The following ARHGEF12 variants were observed in gnomAD, a reference collection of about 807,000 sequenced individuals.
ARHGEF12 encodes KMT2A/ARHGEF12 fusion protein.
A neutral mutation model predicts 211.2 loss-of-function variants in ARHGEF12; 66 were observed. The ratio of observed to expected loss-of-function variants is 0.31; its 90% CI spans 0.26 to 0.38. ARHGEF12 has a LOEUF of 0.38. Ranked by LOEUF, ARHGEF12 falls within the 10% of genes least tolerant of loss-of-function variation. ARHGEF12 has a pLI of 1.00. For missense variants in ARHGEF12, 1,429 were observed against 1,869.5 expected (o/e 0.76, Z 4.34); for synonymous variants, 592 against 638.4 (o/e 0.93, Z 1.09).
intron 7 of ARHGEF12, among the ~76,000 whole-genome samples, chr11:120,427,734 A>G (rs1023413836): frequency 3.9e-5 from 6 of 152,012 alleles, no homozygotes; most frequent in African/African-American, 1.4e-4. Context: ...AGCCACTAAT[A>G]GATGGTTGAT....
At position 120,476,698 on chromosome 11, in the gene ARHGEF12, T is replaced by C; in HGVS notation, c.3315T>C (p.Asn1105=). The C allele has an allele frequency of 6.2e-7, 1 of 1,613,336 alleles. No individual in the cohort carries two copies. Among genetic ancestry groups the C allele is most frequent in the Non-Finnish European group, 8.5e-7 (1 of 1,179,684 alleles). ...KALFVISMSD[N]GAQIYELVAQ... Reference sequence around the variant, plus strand: ...TATTCGTCATTTCCATGTCAGACAATGGCGCTCAGATTTATGAACTGGTGG... The same window carrying C: ...TATTCGTCATTTCCATGTCAGACAACGGCGCTCAGATTTATGAACTGGTGG... Residue 1105 remains asparagine (N), a synonymous_variant, in exon 34 of 41, where the codon AAT becomes AAC. Coordinates refer to ENST00000397843, the MANE Select transcript of ARHGEF12 (RefSeq NM_015313.3).
At chr11:120,434,674 T>C (rs1945642810) in intron 11 of ARHGEF12, among the ~76,000 whole-genome samples, 2 of 152,204 alleles carry the variant, frequency 1.3e-5, no homozygotes, top group South Asian at 4.1e-4. Context: ...CTGCTTTTGC[T>C]TACCTTGGAG....
intron 4 of ARHGEF12, among the ~76,000 whole-genome samples, chr11:120,419,476 T>C (rs757765035): frequency 4.5e-4 from 69 of 151,838 alleles, no homozygotes; most frequent in Non-Finnish European, 8.4e-4. Context: ...TGTTATCTTA[T>C]GAAAAATTTT....
chr11:120,342,201 T>C (rs1436280040), intron 1 of ARHGEF12, among the ~76,000 whole-genome samples: 1 of 152,204 alleles, frequency 6.6e-6, no homozygotes, highest in Non-Finnish European at 1.5e-5. Context: ...CTCTCCAGCT[T>C]GATGAAGTCA....
At chr11:120,397,576 C>G (rs1944428158) in intron 1 of ARHGEF12, among the ~76,000 whole-genome samples, 1 of 152,146 alleles carries the variant, frequency 6.6e-6, no homozygotes, top group African/African-American at 2.4e-5. Context: ...AGCCATATCA[C>G]AGGATACTTT....
intron 11 of ARHGEF12, 32 bp downstream of exon 11, chr11:120,431,943 T>G (rs1396231106): frequency 6.5e-7 from 1 of 1,548,182 alleles, no homozygotes; most frequent in Non-Finnish European, 8.7e-7. Flanking sequence ...TCTTTTTTCT[T>G]CTGTATTCTT....
At chr11:120,347,264 CTCTGTCTGTGTG>C (rs1346605396) in intron 1 of ARHGEF12, among the ~76,000 whole-genome samples, 9 of 112,882 alleles carry the variant, frequency 8.0e-5, no homozygotes, top group Admixed American at 3.1e-4. Context: ...CTCTCTCTCT[CTCTGTCTGTGTG>C]TGTGTGTGTG....
intron 2 of ARHGEF12, among the ~76,000 whole-genome samples, chr11:120,407,178 A>G (rs1441965067): frequency 6.6e-6 from 1 of 152,190 alleles, no homozygotes; most frequent in Non-Finnish European, 1.5e-5. Flanking sequence ...CCATTATCTG[A>G]TCAGTGTAAT....
chr11:120,446,282 C>T, intron 16 of ARHGEF12, 121 bp from the exon 17 acceptor site: 1 of 442,078 alleles, frequency 2.3e-6, no homozygotes, highest in Non-Finnish European at 3.8e-6. Context: ...TACGAACTGC[C>T]CTGAAGAACT....
intron 27 of ARHGEF12, chr11:120,464,565 G>A (rs1372127550): frequency 1.3e-5 from 2 of 151,192 alleles, no homozygotes; most frequent in African/African-American, 2.4e-5. Flanking sequence ...CTGGGCCACA[G>A]AATGAGACTG....
intron 1 of ARHGEF12, among the ~76,000 whole-genome samples, chr11:120,379,420 G>T (rs532837855): frequency 1.3e-5 from 2 of 151,824 alleles, no homozygotes; most frequent in African/African-American, 4.8e-5. Flanking sequence ...TACTCATTTG[G>T]CTGAAATGTT....
At chr11:120,447,423 A>T (rs1259861299) in intron 18 of ARHGEF12, among the ~76,000 whole-genome samples, 1 of 152,174 alleles carries the variant, frequency 6.6e-6, no homozygotes, top group Non-Finnish European at 1.5e-5. Flanking sequence ...AGGGTGAAAC[A>T]GATAAGGTTC....
At chr11:120,367,746 G>C (rs1352859445) in intron 1 of ARHGEF12, among the ~76,000 whole-genome samples, 1 of 152,186 alleles carries the variant, frequency 6.6e-6, no homozygotes, top group African/African-American at 2.4e-5. Context: ...TGAGGCAGGA[G>C]GATTGCTTAA....
chr11:120,357,539 G>T (rs976804616), intron 1 of ARHGEF12, among the ~76,000 whole-genome samples: 2 of 152,162 alleles, frequency 1.3e-5, no homozygotes, highest in Non-Finnish European at 2.9e-5. Context: ...TACTGGACAG[G>T]TAAGGGATAG....
rs1946088939 is a variant in ARHGEF12, at chr11:120,447,864, T to C, written c.1590-10T>C. The C allele has an allele frequency of 6.4e-7, 1 of 1,552,772 alleles. No homozygotes were observed. Among genetic ancestry groups the C allele is most frequent in the South Asian group, 1.2e-5 (1 of 81,584 alleles). ...ATTTCATTTTTAAATTTTTTTTTCT[T>C]TTTTTTAAGGATGACTGCTCAGGCT... On this transcript the variant is annotated splice_polypyrimidine_tract_variant and intron_variant, in intron 18 of 40. Transcript: ENST00000397843.
chr11:120,416,330 G>A (rs576708095), intron 4 of ARHGEF12, among the ~76,000 whole-genome samples: 1 of 152,206 alleles, frequency 6.6e-6, no homozygotes, highest in East Asian at 1.9e-4. Context: ...TTGTGATGAA[G>A]ATACAGCCCC....
rs1453406019 is a variant in ARHGEF12 at position 120,474,634 on chromosome 11, T to C, written c.3108T>C (p.Ile1036=). 2 of 1,608,544 alleles carry C rather than the reference T, an allele frequency of 1.2e-6. No homozygotes were observed. The highest frequency in any genetic ancestry group is 1.7e-5 in the Admixed American group (1 of 58,536). Residue 1036 remains isoleucine, a splice_region_variant and synonymous_variant, in exon 32 of 41, where the codon ATT becomes ATC. Transcript: ENST00000397843. The part of the protein sequence containing the change: ...LVWKVNRDKT[I]DLYTLLLEDI... ...GGAAGGTGAATAGAGATAAAACTAT[T>C]GGTAGGTCTGATATTGTCTTTTAGT...
chr11:120,446,591 T>A, intron 17 of ARHGEF12, 83 bp downstream of exon 17: 1 of 1,029,006 alleles, frequency 9.7e-7, no homozygotes, highest in Non-Finnish European at 1.4e-6. Context: ...ATTAAATACT[T>A]AGCTTAGCAC....
At chr11:120,446,568 GA>G in intron 17 of ARHGEF12, 60 bp downstream of exon 17, 1 of 1,344,598 alleles carries the variant, frequency 7.4e-7, no homozygotes, top group Non-Finnish European at 1.0e-6. Context: ...TTTTAGTTAA[GA>G]AAAAGTTGCT....
Sources: allele counts gnomAD v4.1 joint callset (sites outside exome capture counted in the v4.1 genomes callset), GRCh38; gene constraint gnomAD v4.1.1; transcripts MANE v1.5; gene names NCBI Gene and HGNC (gene_info 2026-07-23, HGNC 2026-07-21).